The following SLAMF1 variants were observed in gnomAD, a reference collection of about 807,000 sequenced individuals.
SLAMF1 encodes signaling lymphocytic activation molecule.
SLAMF1 carries 18 observed loss-of-function variants against 35.1 expected under a neutral mutation model. That is an observed-to-expected ratio of 0.51 (90% CI 0.35 to 0.76). SLAMF1 has a LOEUF of 0.76. Ranked by LOEUF, SLAMF1 falls within the 30% of genes least tolerant of loss-of-function variation. SLAMF1 has a pLI of 0.01. For synonymous variants in SLAMF1, 168 were observed against 157.2 expected (o/e 1.07, Z -0.51); for missense variants, 392 against 413.0 (o/e 0.95, Z 0.44).
intron 1 of SLAMF1, among the ~76,000 whole-genome samples, chr1:160,644,134 C>T (rs1347992829): frequency 6.6e-6 from 1 of 152,206 alleles, no homozygotes; most frequent in Non-Finnish European, 1.5e-5. Context: ...CAGTCTCTCA[C>T]CTTTTGGACA....
intron 1 of SLAMF1, among the ~76,000 whole-genome samples, chr1:160,640,934 G>A (rs59513204): frequency 0.015 from 2,253 of 152,156 alleles, 43 homozygotes; most frequent in African/African-American, 0.05. Flanking sequence ...TAATATACTG[G>A]GAAGCATGTT....
At chr1:160,624,248 A>G in intron 3 of SLAMF1, 63 bp from the exon 4 acceptor site, 2 of 1,135,948 alleles carry the variant, frequency 1.8e-6, no homozygotes, top group Non-Finnish European at 1.3e-6. Context: ...AACATCTTAC[A>G]TGAAAGTGGG....
intron 2 of SLAMF1, among the ~76,000 whole-genome samples, chr1:160,635,149 C>A (rs979174089): frequency 6.6e-6 from 1 of 152,194 alleles, no homozygotes; most frequent in Admixed American, 6.5e-5. Flanking sequence ...TGTTAGGGCT[C>A]CACTCGCCCT....
At chr1:160,623,180 T>C (rs1302268599) in intron 4 of SLAMF1, among the ~76,000 whole-genome samples, 1 of 152,130 alleles carries the variant, frequency 6.6e-6, no homozygotes, top group Non-Finnish European at 1.5e-5. Context: ...ATAAGTTAAG[T>C]TCAGTTTTCT....
In SLAMF1 at chr1:160,617,285, C is replaced by G. The variant is rs142620930; in HGVS notation, c.864+2491G>C. Among the ~76,000 whole-genome samples the G allele has an allele frequency of 4.1e-3, 620 of 152,246 alleles. 14 individuals carry two copies. The East Asian group carries it at 0.058, about 14-fold the overall frequency. On this transcript the variant is annotated intron_variant, in intron 5 of 6. Coordinates refer to ENST00000302035, the MANE Select transcript of SLAMF1 (RefSeq NM_003037.5). Reference sequence around the variant, plus strand: ...TAGTCAATTTGGAGGTATGCATACTCTACGATTCAGCAGTTCTACTTCCAG... The same window carrying G: ...TAGTCAATTTGGAGGTATGCATACTGTACGATTCAGCAGTTCTACTTCCAG...
intron 1 of SLAMF1, among the ~76,000 whole-genome samples, chr1:160,641,921 A>G (rs1660770691): frequency 6.6e-6 from 1 of 152,208 alleles, no homozygotes; most frequent in South Asian, 2.1e-4. Context: ...TCGAAAAATG[A>G]GTGATTCACA....
chr1:160,641,842 A>G (rs548001823), intron 1 of SLAMF1, among the ~76,000 whole-genome samples: 5 of 152,148 alleles, frequency 3.3e-5, no homozygotes, highest in Non-Finnish European at 4.4e-5. Context: ...CTTATTTACT[A>G]AAAGAGTCTG....
rs527692609 is a variant in SLAMF1 at position 160,623,060 on chromosome 1, G to C, written c.790+1036C>G. Among the ~76,000 whole-genome samples, 47 of 152,262 alleles carry C rather than the reference G, an allele frequency of 3.1e-4. No individual in the cohort carries two copies. The South Asian group carries it at 9.6e-3, about 31-fold the overall frequency. ...GTTGGGGAAGGTAGTGGGGAATTGT[G>C]GGATGGGGAGCACTATTCCCTTAGA... On this transcript the variant is annotated intron_variant, in intron 4 of 6. Transcript: ENST00000302035.
At chr1:160,625,986 T>G (rs904305039) in intron 3 of SLAMF1, among the ~76,000 whole-genome samples, 1 of 152,192 alleles carries the variant, frequency 6.6e-6, no homozygotes, top group African/African-American at 2.4e-5. Context: ...TTGTGTTTCG[T>G]CAGCCTATGG....
chr1:160,635,308 G>A (rs181097381), intron 2 of SLAMF1, among the ~76,000 whole-genome samples: 41 of 152,202 alleles, frequency 2.7e-4, no homozygotes, highest in Middle Eastern at 3.4e-3. Flanking sequence ...TTCATCTATC[G>A]TGATGTGTGT....
At chr1:160,618,157 T>C (rs565977323) in intron 5 of SLAMF1, among the ~76,000 whole-genome samples, 1 of 152,260 alleles carries the variant, frequency 6.6e-6, no homozygotes, top group African/African-American at 2.4e-5. Context: ...AATACAATTC[T>C]AATATTTTTT....
intron 3 of SLAMF1, chr1:160,634,318 G>A: frequency 2.5e-6 from 2 of 801,842 alleles, no homozygotes; most frequent in Non-Finnish European, 3.0e-6. Context: ...AGCCAACCTT[G>A]CAGGTTGGAG....
Position 160,622,576 on chromosome 1 carries a change from A to G in SLAMF1, c.790+1520T>C, listed in dbSNP as rs538208525. 2.6e-5 allele frequency among the ~76,000 whole-genome samples: 4 copies of G among 152,240 alleles called. No individual in the cohort carries two copies. The East Asian group carries it at 5.8e-4, about 22-fold the overall frequency. On this transcript the variant is annotated intron_variant, in intron 4 of 6. Coordinates refer to ENST00000302035, the MANE Select transcript of SLAMF1 (RefSeq NM_003037.5). ...GATCTGTCTATCTGTCTATGTATCT[A>G]TCTGTCTATGTATCTATCTATCTAT...
At chr1:160,630,727 TCTATA>T (rs1660121613) in intron 3 of SLAMF1, among the ~76,000 whole-genome samples, 1 of 152,166 alleles carries the variant, frequency 6.6e-6, no homozygotes, top group Admixed American at 6.5e-5. Context: ...CAGTCTGTTC[TCTATA>T]CTACTGGAGT....
At chr1:160,620,782 G>A (rs182333334) in intron 4 of SLAMF1, among the ~76,000 whole-genome samples, 61 of 152,308 alleles carry the variant, frequency 4.0e-4, no homozygotes, top group East Asian at 2.3e-3. Context: ...TGATGGAAAT[G>A]TTCCATATCT....
intron 1 of SLAMF1, among the ~76,000 whole-genome samples, chr1:160,640,856 C>T (rs1660708438): frequency 2.0e-5 from 3 of 152,160 alleles, no homozygotes; most frequent in Admixed American, 6.5e-5. Context: ...AAACAGAGTG[C>T]TCTCCCCTGC....
In SLAMF1 at chr1:160,624,108, A is replaced by ATGTAGTGTATG; in HGVS notation, c.777_778insCATACACTACA (p.Leu260HisfsTer5). The ATGTAGTGTATG allele has an allele frequency of 6.2e-7, 1 of 1,601,828 alleles. No homozygotes were observed. Among genetic ancestry groups the ATGTAGTGTATG allele is most frequent in the Non-Finnish European group, 8.5e-7 (1 of 1,171,816 alleles). On this transcript the variant is annotated frameshift_variant, in exon 4 of 7. Coordinates refer to ENST00000302035, the MANE Select transcript of SLAMF1 (RefSeq NM_003037.5). LOFTEE classifies it high-confidence loss of function. Reference sequence around the variant, plus strand: ...GCCAGACACCTACCTCTTCTTCTCAACTGTAGTATTACCACCATGATGAGA... The same window carrying ATGTAGTGTATG: ...GCCAGACACCTACCTCTTCTTCTCAATGTAGTGTATGCTGTAGTATTACCACCATGATGAGA...
intron 1 of SLAMF1, among the ~76,000 whole-genome samples, chr1:160,640,373 C>T (rs56276892): frequency 0.021 from 2,803 of 134,256 alleles, 50 homozygotes; most frequent in African/African-American, 0.052. Context: ...CACACACACA[C>T]ACATATATAT....
At chr1:160,632,850 C>T (rs1660235923) in intron 3 of SLAMF1, among the ~76,000 whole-genome samples, 1 of 152,050 alleles carries the variant, frequency 6.6e-6, no homozygotes, top group Admixed American at 6.5e-5. Flanking sequence ...TCACTAATGC[C>T]TATGAGGCTT....
Sources: gnomAD v4.1 joint callset for allele counts (sites outside exome capture counted in the v4.1 genomes callset) on GRCh38, gnomAD v4.1.1 for gene constraint, MANE v1.5 for transcripts, NCBI Gene and HGNC (gene_info 2026-07-23, HGNC 2026-07-21) for gene names.